Variants in TNNI3K observed in about 807,000 individuals in gnomAD.
TNNI3K encodes serine/threonine-protein kinase TNNI3K.
TNNI3K carries 140 observed loss-of-function variants against 114.5 expected under a neutral mutation model. That is an observed-to-expected ratio of 1.22 (90% CI 1.07 to 1.41). TNNI3K has a LOEUF of 1.41. Among genes scored for constraint, TNNI3K ranks in the 40% most tolerant of loss-of-function variants. TNNI3K has a pLI of 0.00. For missense variants in TNNI3K, 1,125 were observed against 1,007.6 expected, an observed-to-expected ratio of 1.12 and a Z score of -1.58; for synonymous variants, 347 against 347.5, an observed-to-expected ratio of 1.00 and a Z score of 0.02.
At chr1:74,293,575 C>T (rs998615163) in intron 5 of TNNI3K, among the ~76,000 whole-genome samples, 6 of 151,434 alleles carry the variant, frequency 4.0e-5, no homozygotes, top group African/African-American at 9.7e-5. Flanking sequence ...GTACACTGGC[C>T]TTGTTTCTAG....
At chr1:74,247,447 G>C (rs1043266253) in intron 2 of TNNI3K, among the ~76,000 whole-genome samples, 33 of 152,158 alleles carry the variant, frequency 2.2e-4, no homozygotes, top group African/African-American at 7.7e-4. Flanking sequence ...AAAAGCGAAA[G>C]AACAAAGCTC....
intron 11 of TNNI3K, among the ~76,000 whole-genome samples, chr1:74,363,495 A>T (rs923737622): frequency 2.6e-5 from 4 of 152,188 alleles, no homozygotes; most frequent in Admixed American, 2.0e-4. Flanking sequence ...GCAGGAAATG[A>T]AAACTGCTCA....
chr1:74,402,936 T>C (rs931273047), intron 17 of TNNI3K, among the ~76,000 whole-genome samples: 2 of 152,212 alleles, frequency 1.3e-5, no homozygotes, highest in African/African-American at 4.8e-5. Flanking sequence ...CCAAGACAAT[T>C]CTTCTTCCAA....
intron 5 of TNNI3K, among the ~76,000 whole-genome samples, chr1:74,304,217 G>A (rs923813284): frequency 3.9e-5 from 6 of 152,104 alleles, no homozygotes; most frequent in African/African-American, 9.7e-5. Flanking sequence ...ATTGAACATC[G>A]TTTGCTACAG....
chr1:74,474,424 T>G (rs1668089688), intron 21 of TNNI3K, among the ~76,000 whole-genome samples: 1 of 152,064 alleles, frequency 6.6e-6, no homozygotes, highest in South Asian at 2.1e-4. Context: ...ATAACATACG[T>G]GAAATAACAT....
At chr1:74,482,824 C>T (rs1208815701) in intron 21 of TNNI3K, among the ~76,000 whole-genome samples, 1 of 152,186 alleles carries the variant, frequency 6.6e-6, no homozygotes, top group Non-Finnish European at 1.5e-5. Context: ...ACCAGACTTT[C>T]AAAATGAGAC....
intron 5 of TNNI3K, among the ~76,000 whole-genome samples, chr1:74,291,550 T>A (rs1199333005): frequency 6.6e-6 from 1 of 151,556 alleles, no homozygotes; most frequent in Admixed American, 6.6e-5. Context: ...AAAGGTTAAA[T>A]AACTTAATGT....
At chr1:74,419,130 G>A (rs372354141) in intron 17 of TNNI3K, among the ~76,000 whole-genome samples, 1 of 152,048 alleles carries the variant, frequency 6.6e-6, no homozygotes, top group Non-Finnish European at 1.5e-5. Context: ...GGTGTCAGGA[G>A]GGTGGTTCTC....
At chr1:74,351,033 C>T (rs1486937776) in intron 9 of TNNI3K, among the ~76,000 whole-genome samples, 3 of 150,824 alleles carry the variant, frequency 2.0e-5, no homozygotes, top group Admixed American at 6.6e-5. Context: ...TTATTTTGCT[C>T]CTTAGTTGAT....
At chr1:74,427,910 G>A (rs1264268012) in intron 17 of TNNI3K, among the ~76,000 whole-genome samples, 5 of 151,420 alleles carry the variant, frequency 3.3e-5, no homozygotes, top group African/African-American at 9.7e-5. Context: ...GCTTTTTATG[G>A]TGCTGAGCAA....
rs139291091 is a variant in TNNI3K, at chr1:74,360,615, T to C, written c.1177+6486T>C. ...TGTTATTTCATGTTTCCAAGACTTTTACATGGCAGTCCAATCTGCCTTTAT... is the reference window on the plus strand; with the variant it reads ...TGTTATTTCATGTTTCCAAGACTTTCACATGGCAGTCCAATCTGCCTTTAT... On this transcript the variant is annotated intron_variant, in intron 11 of 24. Transcript: ENST00000326637. Among the ~76,000 whole-genome samples the C allele has an allele frequency of 3.6e-3, 545 of 152,204 alleles. 5 individuals carry two copies. The highest frequency in any genetic ancestry group is 0.012 in the African/African-American group (493 of 41,574).
chr1:74,366,797 G>A (rs1662295479), intron 11 of TNNI3K: 1 of 152,172 alleles, frequency 6.6e-6, no homozygotes, highest in Non-Finnish European at 1.5e-5. Flanking sequence ...TTATCTTAGT[G>A]CTGCATAATA....
intron 5 of TNNI3K, among the ~76,000 whole-genome samples, chr1:74,318,952 C>T (rs1659463259): frequency 6.6e-6 from 1 of 152,190 alleles, no homozygotes; most frequent in Non-Finnish European, 1.5e-5. Flanking sequence ...AATTGAGAGG[C>T]ACAATAGTAT....
At chr1:74,401,724 T>C (rs969370184) in intron 17 of TNNI3K, 19 of 392,106 alleles carry the variant, frequency 4.8e-5, no homozygotes, top group African/African-American at 4.0e-4. Context: ...AGAAATAAGA[T>C]GTCAAATATG....
chr1:74,450,307 A>G lies in TNNI3K; in HGVS notation c.2011+10685A>G, dbSNP rs549910637. ...AAATGCCCACAAGAGAAAGCAGGAAAGATCCAAAATTGACACCCTAACATC... is the reference window on the plus strand; with the variant it reads ...AAATGCCCACAAGAGAAAGCAGGAAGGATCCAAAATTGACACCCTAACATC... On this transcript the variant is annotated intron_variant, in intron 20 of 24. Coordinates refer to ENST00000326637, the MANE Select transcript of TNNI3K (RefSeq NM_015978.3). 7.7e-3 allele frequency among the ~76,000 whole-genome samples: 1,169 copies of G among 151,974 alleles called. 18 individuals carry two copies. The highest frequency in any genetic ancestry group is 0.027 in the African/African-American group (1,127 of 41,456).
Position 74,475,825 on chromosome 1 carries a change from G to C in TNNI3K, c.2121+12275G>C, listed in dbSNP as rs898724485. ...ACCAACAGCTCCTATGACAAATAGA[G>C]AGACCATTAAAAGATAACATCTTGG... On this transcript the variant is annotated intron_variant, in intron 21 of 24. Coordinates refer to ENST00000326637, the MANE Select transcript of TNNI3K (RefSeq NM_015978.3). The C allele has an allele frequency of 1.4e-5, 8 of 573,772 alleles. No individual in the cohort carries two copies. In the East Asian group the frequency reaches 2.0e-4, roughly 14 times the overall value. The allele number at this position is 573,772 out of a possible 1,614,324, so 35.5% of individuals were successfully genotyped here.
intron 11 of TNNI3K, 95 bp downstream of exon 11, chr1:74,354,224 G>A (rs1032758234): frequency 1.3e-6 from 2 of 1,551,504 alleles, no homozygotes. Flanking sequence ...TGCATGACTT[G>A]AACACTCTCA....
chr1:74,539,248 A>G (rs1161533300), intron 23 of TNNI3K, among the ~76,000 whole-genome samples: 2 of 152,174 alleles, frequency 1.3e-5, no homozygotes, highest in Non-Finnish European at 2.9e-5. Flanking sequence ...GAGGACTCCA[A>G]TAATTTTGGC....
At chr1:74,419,018 T>C (rs1413709062) in intron 17 of TNNI3K, among the ~76,000 whole-genome samples, 1 of 152,104 alleles carries the variant, frequency 6.6e-6, no homozygotes, top group East Asian at 1.9e-4. Flanking sequence ...AGTCCATCTA[T>C]ATTAGTTTCC....
Sources: gnomAD v4.1 joint callset for allele counts (sites outside exome capture counted in the v4.1 genomes callset) on GRCh38, gnomAD v4.1.1 for gene constraint, MANE v1.5 for transcripts, NCBI Gene and HGNC (gene_info 2026-07-23, HGNC 2026-07-21) for gene names.